Variants in NEK6 observed in about 807,000 individuals in gnomAD.
NEK6 encodes the protein NIMA related kinase 6.
NEK6 carries 27 observed loss-of-function variants against 43.5 expected under a neutral mutation model. That is an observed-to-expected ratio of 0.62 (90% CI 0.46 to 0.86). The LOEUF (loss-of-function observed/expected upper bound fraction) is 0.86, where lower values mean the gene tolerates loss of function less well. NEK6 is among the 40% of genes least tolerant of loss of function. The probability of loss-of-function intolerance (pLI) is 0.00; values close to 1 mark genes in which losing one functional copy is unlikely to be tolerated. For missense variants in NEK6, 318 were observed against 414.4 expected, an observed-to-expected ratio of 0.77 and a Z score of 2.02; for synonymous variants, 167 against 164.1, an observed-to-expected ratio of 1.02 and a Z score of -0.14.
intron 5 of NEK6, among the ~76,000 whole-genome samples, chr9:124,322,157 C>T (rs1187672368): frequency 6.6e-6 from 1 of 152,154 alleles, no homozygotes; most frequent in African/African-American, 2.4e-5. Flanking sequence ...GGCCTGGGAC[C>T]CTTTGGTGGA....
chr9:124,299,864 A>G (rs1431810171), intron 1 of NEK6: 1 of 152,218 alleles, frequency 6.6e-6, no homozygotes, highest in South Asian at 2.1e-4. Context: ...CTTCCCAAGC[A>G]GGAGACTGCA....
intron 1 of NEK6, chr9:124,292,193 T>A: frequency 7.9e-7 from 1 of 1,259,096 alleles, no homozygotes; most frequent in Non-Finnish European, 1.0e-6. Context: ...GGGCTGGAGC[T>A]CCAGGGACCT....
At chr9:124,269,709 G>A (rs994513530) in intron 1 of NEK6, among the ~76,000 whole-genome samples, 2 of 152,196 alleles carry the variant, frequency 1.3e-5, no homozygotes, top group African/African-American at 2.4e-5. Flanking sequence ...AGGAGGGGCA[G>A]GGAGTCGTGT....
rs145621903 is a variant in NEK6, at chr9:124,312,130, C to T, written c.91-379C>T. On this transcript the variant is annotated intron_variant, in intron 2 of 9. Coordinates refer to ENST00000320246, the MANE Select transcript of NEK6 (RefSeq NM_014397.6). ...GATACATGAGCTGCACCCGGCTTAC[C>T]GGACCCCAGTTTGGGCATCAAGGAT... Among the ~76,000 whole-genome samples the T allele has an allele frequency of 7.9e-4, 121 of 152,338 alleles. No homozygotes were observed. In the East Asian group the frequency reaches 0.022, roughly 27 times the overall value.
chr9:124,329,747 C>T (rs1828870356), intron 7 of NEK6, among the ~76,000 whole-genome samples: 1 of 152,250 alleles, frequency 6.6e-6, no homozygotes, highest in Admixed American at 6.5e-5. Flanking sequence ...AGCTAAAGCC[C>T]AGGACCTGTA....
intron 8 of NEK6, among the ~76,000 whole-genome samples, chr9:124,344,417 C>T (rs1829809653): frequency 1.3e-5 from 2 of 152,260 alleles, no homozygotes; most frequent in South Asian, 2.1e-4. Context: ...CTGACCCCAG[C>T]TAGTGGGAGC....
Position 124,257,984 on chromosome 9 carries a change from G to A in NEK6, c.-131G>A, listed in dbSNP as rs1830873102. The A allele has an allele frequency of 4.1e-6, 4 of 978,866 alleles. No individual in the cohort carries two copies. The highest frequency in any genetic ancestry group is 4.8e-6 in the Non-Finnish European group (4 of 827,506). 60.6% of individuals were successfully genotyped at this position (978,866 alleles called of 1,614,324 possible). ...CGGCGGCGGAACCGAGCTGACGGGC[G>A]TGCGGCCGCTGCGCCGCAAACTCGT... On this transcript the variant is annotated 5_prime_UTR_variant, in exon 1 of 10. The change creates a new upstream start codon in the 5' untranslated region. Transcript: ENST00000320246.
chr9:124,303,441 G>A (rs1003021064), intron 2 of NEK6, among the ~76,000 whole-genome samples: 16 of 152,232 alleles, frequency 1.1e-4, no homozygotes, highest in African/African-American at 3.4e-4. Context: ...TAAGGAGGCA[G>A]GTAGGTCTGA....
intron 1 of NEK6, among the ~76,000 whole-genome samples, chr9:124,293,330 G>A (rs775290949): frequency 3.9e-5 from 6 of 152,230 alleles, no homozygotes; most frequent in South Asian, 2.1e-4. Context: ...TGCAGTGCCC[G>A]ACACAGAGGA....
chr9:124,280,384 C>G (rs1160994527), intron 1 of NEK6, among the ~76,000 whole-genome samples: 10 of 152,370 alleles, frequency 6.6e-5, no homozygotes, highest in African/African-American at 2.2e-4. Flanking sequence ...ACCTTATCAT[C>G]TGAGTGAGGC....
At chr9:124,312,855 A>G (rs1439987024) in intron 3 of NEK6, among the ~76,000 whole-genome samples, 3 of 152,224 alleles carry the variant, frequency 2.0e-5, no homozygotes, top group African/African-American at 7.2e-5. Context: ...ACGAGCATGC[A>G]TTGAGCGCCT....
rs1221524831 is a variant in NEK6 at position 124,292,972 on chromosome 9, C to T, written c.-29-8964C>T. 3 of 1,576,152 alleles carry T rather than the reference C, an allele frequency of 1.9e-6. No homozygotes were observed. In the East Asian group the frequency reaches 7.1e-5, roughly 37 times the overall value. On this transcript the variant is annotated intron_variant, in intron 1 of 9. Transcript: ENST00000320246. The stretch of plus-strand genomic sequence containing the variant: ...AGGAGAGAAGTTTGCTGGGAGGCAG[C>T]TCATTTCCGGCAGGAGGAGCAGAGC...
intron 8 of NEK6, among the ~76,000 whole-genome samples, chr9:124,340,310 C>T (rs1415639925): frequency 6.6e-6 from 1 of 152,150 alleles, no homozygotes; most frequent in African/African-American, 2.4e-5. Context: ...ACACTGGGGC[C>T]CCAGGTGATG....
chr9:124,278,064 T>C (rs1448264020), intron 1 of NEK6, among the ~76,000 whole-genome samples: 1 of 152,236 alleles, frequency 6.6e-6, no homozygotes, highest in Non-Finnish European at 1.5e-5. Context: ...CCCATAAGAT[T>C]ATAATGCCAT....
chr9:124,332,521 G>A (rs975550311), intron 7 of NEK6, among the ~76,000 whole-genome samples: 1 of 152,184 alleles, frequency 6.6e-6, no homozygotes, highest in Non-Finnish European at 1.5e-5. Context: ...AGGATTCAGT[G>A]CCAAGGCACA....
At chr9:124,317,533 C>A (rs760429784) in intron 4 of NEK6, among the ~76,000 whole-genome samples, 1 of 152,134 alleles carries the variant, frequency 6.6e-6, no homozygotes, top group Admixed American at 6.5e-5. Flanking sequence ...TTTAAATTTC[C>A]ATTTTTATTT....
At chr9:124,296,153 C>T (rs1048544561) in intron 1 of NEK6, among the ~76,000 whole-genome samples, 9 of 152,260 alleles carry the variant, frequency 5.9e-5, no homozygotes, top group African/African-American at 2.2e-4. Flanking sequence ...CATCCATCCT[C>T]GGCTTCTGCC....
chr9:124,311,554 G>A (rs796980163), intron 2 of NEK6, among the ~76,000 whole-genome samples: 74 of 152,328 alleles, frequency 4.9e-4, no homozygotes, highest in African/African-American at 1.3e-3. Context: ...CTCACCTGGA[G>A]GCTCCATCCC....
intron 4 of NEK6, among the ~76,000 whole-genome samples, chr9:124,319,593 C>A (rs745782546): frequency 1.4e-4 from 21 of 152,172 alleles, no homozygotes; most frequent in African/African-American, 5.1e-4. Flanking sequence ...TGAGGTCTTA[C>A]ATTTAAGTCT....
Sources: gnomAD v4.1 joint callset for allele counts (sites outside exome capture counted in the v4.1 genomes callset) on GRCh38, gnomAD v4.1.1 for gene constraint, MANE v1.5 for transcripts, NCBI Gene and HGNC (gene_info 2026-07-23, HGNC 2026-07-21) for gene names.